PHKA2: variants seen among roughly 807,000 people sequenced by gnomAD.
The protein encoded by PHKA2 is phosphorylase b kinase regulatory subunit alpha, liver isoform.
A neutral mutation model predicts 102.0 loss-of-function variants in PHKA2; 31 were observed. That is an observed-to-expected ratio of 0.30 (90% CI 0.23 to 0.41). The LOEUF is 0.41. PHKA2 is among the 10% of genes least tolerant of loss of function. The pLI is 1.00. For missense variants in PHKA2, 858 were observed against 1,023.1 expected (o/e 0.84, Z 2.20); for synonymous variants, 455 against 416.2 (o/e 1.09, Z -1.13).
At chrX:18,932,471 T>C (rs1209018752) in intron 11 of PHKA2, among the ~76,000 whole-genome samples, 4 of 110,532 alleles carry the variant, frequency 3.6e-5, no homozygotes, top group Admixed American at 9.8e-5. Context: ...CCAAAGGAAA[T>C]AGGAAACATC....
At chrX:18,963,878 T>C (rs4266777) in intron 1 of PHKA2, among the ~76,000 whole-genome samples, 2,720 of 111,714 alleles carry the variant, frequency 0.024, 36 homozygotes, top group African/African-American at 0.061. Flanking sequence ...TTCCCCTACC[T>C]GTGTCCCACA....
At chrX:18,948,450 G>C (rs1044613231) in intron 5 of PHKA2, among the ~76,000 whole-genome samples, 5 of 111,370 alleles carry the variant, frequency 4.5e-5, no homozygotes, top group Non-Finnish European at 9.4e-5. Flanking sequence ...CACCAGCCAG[G>C]GTGACAGAGC....
chrX:18,901,737 G>C (rs2047685987), intron 26 of PHKA2, 134 bp from the exon 27 acceptor site: 2 of 524,129 alleles, frequency 3.8e-6, no homozygotes, highest in Non-Finnish European at 3.4e-6. Flanking sequence ...CCAGCACCGA[G>C]AGCAGCACAG....
rs111458617 is a variant in PHKA2 at position 18,943,923 on chromosome X, A to T, written c.619-115T>A. ...CATGTTTTCCCAAAGGTAATGAAAC[A>T]CATTTTAAAAATCCAGCTAGACTCC... On this transcript the variant is annotated intron_variant, in intron 6 of 32. Transcript: ENST00000379942. 8,134 of 563,141 alleles carry T rather than the reference A, an allele frequency of 0.014. 83 individuals are homozygous for T. Among genetic ancestry groups the T allele is most frequent in the African/African-American group, 0.063 (2,759 of 44,127 alleles). 46.4% of individuals were successfully genotyped at this position (563,141 alleles called of 1,213,427 possible). A position where few individuals can be genotyped will look rare whatever the true frequency, so the allele number is the denominator to read the frequency against.
chrX:18,953,007 T>C (rs1311690524), intron 2 of PHKA2, among the ~76,000 whole-genome samples: 1 of 112,309 alleles, frequency 8.9e-6, no homozygotes, highest in East Asian at 2.8e-4. Flanking sequence ...TTCTGAATAA[T>C]AGGATTTATT....
At chrX:18,920,877 C>T (rs1260347856) in intron 17 of PHKA2, among the ~76,000 whole-genome samples, 1 of 112,470 alleles carries the variant, frequency 8.9e-6, no homozygotes, top group African/African-American at 3.2e-5. Flanking sequence ...TAAAAGGTTA[C>T]ACCGGGGGAG....
chrX:18,955,806 T>C (rs1358709420), intron 1 of PHKA2, among the ~76,000 whole-genome samples: 1 of 112,162 alleles, frequency 8.9e-6, no homozygotes, highest in East Asian at 2.8e-4. Flanking sequence ...AATTAAATAT[T>C]TGACTTTCTC....
chrX:18,911,341 T>C (rs2047923362), intron 19 of PHKA2, among the ~76,000 whole-genome samples: 1 of 111,478 alleles, frequency 9.0e-6, no homozygotes, highest in African/African-American at 3.3e-5. Context: ...GCCTGGCTAA[T>C]TTTGTATCTT....
At position 18,908,839 on chromosome X, in the gene PHKA2, C is replaced by T. The variant is rs2047872060; in HGVS notation, c.2322G>A (p.Gln774=). Residue 774 remains glutamine (Q), a synonymous_variant, in exon 21 of 33, where the codon CAG becomes CAA. Coordinates refer to ENST00000379942, the MANE Select transcript of PHKA2 (RefSeq NM_000292.3). ...GAATGTACAGAATGTCTGCTTGGTC[C>T]TGTAGGTTCGAACAATCTTTTAGCT... The part of the protein sequence containing the change: ...VEQLKDCSNL[Q]DQADILYILY... 1 of 1,208,794 alleles carries T rather than the reference C, an allele frequency of 8.3e-7. No individual in the cohort carries two copies. The highest frequency in any genetic ancestry group is 1.7e-5 in the African/African-American group (1 of 57,203).
chrX:18,943,650 C>G, intron 7 of PHKA2, 60 bp downstream of exon 7: 1 of 908,689 alleles, frequency 1.1e-6, no homozygotes, highest in Non-Finnish European at 1.6e-6. Flanking sequence ...TGCACTGGAT[C>G]CCAGGCCTTC....
intron 11 of PHKA2, among the ~76,000 whole-genome samples, chrX:18,934,981 G>A (rs2048371726): frequency 8.9e-6 from 1 of 112,549 alleles, no homozygotes; most frequent in Admixed American, 9.4e-5. Context: ...GTGGCCATGT[G>A]TGTGTGGGCC....
chrX:18,937,753 C>T (rs778931510), intron 10 of PHKA2, among the ~76,000 whole-genome samples: 11 of 111,846 alleles, frequency 9.8e-5, no homozygotes, highest in East Asian at 5.6e-4. Flanking sequence ...CCCCACAAAA[C>T]GCATGAAGTG....
intron 26 of PHKA2, among the ~76,000 whole-genome samples, chrX:18,902,544 C>CTGCT (rs1260047846): frequency 1.1e-5 from 1 of 93,204 alleles, no homozygotes. Flanking sequence ...GGCAGATCAC[C>CTGCT]TGAGGCCGGG....
intron 7 of PHKA2, among the ~76,000 whole-genome samples, chrX:18,942,600 T>C (rs2048510675): frequency 9.0e-6 from 1 of 110,790 alleles, no homozygotes; most frequent in Admixed American, 9.6e-5. Flanking sequence ...CCCAGAGCTT[T>C]GGGAGGCTGA....
chrX:18,949,742 A>G (rs999297866), intron 4 of PHKA2, among the ~76,000 whole-genome samples: 2 of 112,420 alleles, frequency 1.8e-5, no homozygotes, highest in African/African-American at 6.5e-5. Context: ...AGACTTGGAG[A>G]AGATGCAGCC....
chrX:18,899,191 C>A lies in PHKA2; in HGVS notation c.3093G>T (p.Ala1031=). The change falls in exon 29 of 33, where the codon GCG becomes GCT. Residue 1031 remains alanine, a synonymous_variant. Transcript: ENST00000379942. ...CTGTTACCGCAGACTTGGAGGAATG[C>A]GCACTGCTGGACGCGGCCTGGCCCA... ...FSVGQAASSS[A]HSSKSARSST... is the part of the protein sequence containing the mutation. 1 of 1,209,558 alleles carries A rather than the reference C, an allele frequency of 8.3e-7. No individual in the cohort carries two copies. Among genetic ancestry groups the A allele is most frequent in the Non-Finnish European group, 1.1e-6 (1 of 893,496 alleles).
intron 1 of PHKA2, among the ~76,000 whole-genome samples, chrX:18,968,753 G>A (rs949511508): frequency 8.9e-6 from 1 of 112,277 alleles, no homozygotes; most frequent in Non-Finnish European, 1.9e-5. Flanking sequence ...AGTTTTTTAA[G>A]TATCAGGAAG....
At chrX:18,950,617 T>G (rs1021010389) in intron 4 of PHKA2, among the ~76,000 whole-genome samples, 1 of 112,850 alleles carries the variant, frequency 8.9e-6, no homozygotes, top group Non-Finnish European at 1.9e-5. Flanking sequence ...AGCATGCTTT[T>G]CTTTTGTGTA....
rs113151353 is a variant in PHKA2, at chrX:18,953,759, G to T, written c.237+495C>A. On this transcript the variant is annotated intron_variant, in intron 2 of 32. Coordinates refer to ENST00000379942, the MANE Select transcript of PHKA2 (RefSeq NM_000292.3). ...TCCAGCACTTTGGGAGGCTGAGGTG[G>T]GCGGATCACTTGAGGCCAGGAGTTC... Among the ~76,000 whole-genome samples the T allele has an allele frequency of 5.2e-3, 578 of 111,711 alleles. 6 individuals carry two copies. Among genetic ancestry groups the T allele is most frequent in the African/African-American group, 0.018 (540 of 30,712 alleles).
Sources: allele counts gnomAD v4.1 joint callset (sites outside exome capture counted in the v4.1 genomes callset), GRCh38; gene constraint gnomAD v4.1.1; transcripts MANE v1.5; gene names NCBI Gene and HGNC (gene_info 2026-07-23, HGNC 2026-07-21).